The following IFT140 variants were observed in gnomAD, a reference collection of about 807,000 sequenced individuals.
IFT140 encodes the protein intraflagellar transport protein 140 homolog.
In IFT140, 133 loss-of-function variants were observed where a neutral mutation model predicts 164.6. The observed-to-expected ratio is 0.81, with a 90% CI of 0.70 to 0.93. The LOEUF is 0.93. Ranked by LOEUF, IFT140 falls within the 40% of genes least tolerant of loss-of-function variation. The pLI, the probability that IFT140 is intolerant of heterozygous loss-of-function variation, is 0.00. For missense variants in IFT140, 2,045 were observed against 1,972.3 expected (o/e 1.04, Z -0.70); for synonymous variants, 860 against 817.3 (o/e 1.05, Z -0.89).
rs949232096 is a variant in IFT140, at chr16:1,583,351, C to G, written c.1395G>C (p.Ala465=). ...AVAVWNGRQV[A]IFELSGAAIR... is the part of the protein sequence containing the mutation. ...TCGCGGCTCCAGAAAGCTCGAAGATCGCCACCTGCCTTCCGTTCCAGACTG... is the reference window on the plus strand; with the variant it reads ...TCGCGGCTCCAGAAAGCTCGAAGATGGCCACCTGCCTTCCGTTCCAGACTG... The change falls in exon 12 of 31, where the codon GCG becomes GCC. Residue 465 remains alanine, a synonymous_variant. Coordinates refer to ENST00000426508, the MANE Select transcript of IFT140 (RefSeq NM_014714.4). 6.2e-7 allele frequency: 1 copy of G among 1,614,124 alleles called. No individual in the cohort carries two copies. The highest frequency in any genetic ancestry group is 1.7e-5 in the Admixed American group (1 of 60,026).
intron 8 of IFT140, among the ~76,000 whole-genome samples, chr16:1,587,571 C>T (rs755796598): frequency 1.6e-4 from 24 of 152,200 alleles, no homozygotes; most frequent in Non-Finnish European, 2.2e-4. Context: ...ACACAGAGCA[C>T]GAGATGGCCC....
chr16:1,535,337 A>G (rs1033859899), intron 19 of IFT140, among the ~76,000 whole-genome samples: 2 of 152,158 alleles, frequency 1.3e-5, no homozygotes, highest in Non-Finnish European at 1.5e-5. Flanking sequence ...GGCTGCATAA[A>G]TAGGAAGGCG....
Position 1,524,829 on chromosome 16 carries a change from G to T in IFT140, c.2952C>A (p.His984Gln). 1 of 1,612,632 alleles carries T rather than the reference G, an allele frequency of 6.2e-7. No individual in the cohort carries two copies. Among genetic ancestry groups the T allele is most frequent in the Non-Finnish European group, 8.5e-7 (1 of 1,179,086 alleles). Reference protein sequence around the residue: ...ALHYYELARDHFSLVRIHCFQ... With the variant: ...ALHYYELARDQFSLVRIHCFQ... ...AGCAGTGGATGCGGACCAGGGAGAA[G>T]TGGTCCCGGGCCAGCTCGTAGTAGT... Residue 984 changes from histidine (H) to glutamine (Q), a missense_variant, in exon 23 of 31, where the codon CAC becomes CAA. His to Gln is a conservative substitution (Grantham distance 24). Coordinates refer to ENST00000426508, the MANE Select transcript of IFT140 (RefSeq NM_014714.4).
At chr16:1,566,822 G>C (rs1396880661) in intron 15 of IFT140, among the ~76,000 whole-genome samples, 2 of 151,992 alleles carry the variant, frequency 1.3e-5, no homozygotes. Flanking sequence ...CCTTTTTGAG[G>C]CTCCTGGCTG....
intron 19 of IFT140, among the ~76,000 whole-genome samples, chr16:1,549,408 G>A (rs893777935): frequency 2.6e-5 from 4 of 152,346 alleles, no homozygotes; most frequent in Non-Finnish European, 4.4e-5. Flanking sequence ...GGCTCCAGAC[G>A]CACCCCAGGT....
intron 14 of IFT140, among the ~76,000 whole-genome samples, chr16:1,569,227 T>TC: frequency 6.6e-6 from 1 of 152,162 alleles, no homozygotes; most frequent in South Asian, 2.1e-4. Context: ...CAAGATGGTC[T>TC]CGATCTCCTT....
intron 19 of IFT140, among the ~76,000 whole-genome samples, chr16:1,550,278 A>G (rs376897699): frequency 3.3e-5 from 5 of 152,216 alleles, no homozygotes; most frequent in Non-Finnish European, 1.5e-5. Flanking sequence ...TCTTGGAAGC[A>G]GACAGATGCT....
chr16:1,562,886 T>C (rs2141523895), intron 17 of IFT140, among the ~76,000 whole-genome samples: 1 of 152,150 alleles, frequency 6.6e-6, no homozygotes, highest in Admixed American at 6.5e-5. Context: ...GTGGGTCCAT[T>C]GCACAGAAGC....
chr16:1,552,946 C>T (rs2032789717), intron 19 of IFT140: 1 of 984,460 alleles, frequency 1.0e-6, no homozygotes, highest in Admixed American at 6.2e-5. Flanking sequence ...AACCACTGTG[C>T]CTTGTCTAGA....
At position 1,541,832 on chromosome 16, in the gene IFT140, A is replaced by C. The variant is rs2031670373; in HGVS notation, c.2400-15036T>G. 8 of 1,452,250 alleles carry C rather than the reference A, an allele frequency of 5.5e-6. No homozygotes were observed. In the South Asian group the frequency reaches 6.9e-5, roughly 13 times the overall value. 90.0% of individuals were successfully genotyped at this position (1,452,250 alleles called of 1,614,324 possible). On this transcript the variant is annotated intron_variant, in intron 19 of 30. Coordinates refer to ENST00000426508, the MANE Select transcript of IFT140 (RefSeq NM_014714.4). ...CTGTGCCGACCGCCCTTTCCGAGGCAAACAGAGACCACGAAAGTGGCGTGA... is the reference window on the plus strand; with the variant it reads ...CTGTGCCGACCGCCCTTTCCGAGGCCAACAGAGACCACGAAAGTGGCGTGA...
chr16:1,517,995 G>T, intron 30 of IFT140: 1 of 431,236 alleles, frequency 2.3e-6, no homozygotes, highest in South Asian at 2.7e-5. Flanking sequence ...GAGCCACCAT[G>T]CCTGGCTAAT....
chr16:1,525,601 C>G (rs367904469), intron 21 of IFT140, among the ~76,000 whole-genome samples: 2 of 152,236 alleles, frequency 1.3e-5, no homozygotes, highest in Non-Finnish European at 2.9e-5. Flanking sequence ...TGGGGTTTGT[C>G]TGTCCTCAGG....
At position 1,542,894 on chromosome 16, in the gene IFT140, G is replaced by A. The variant is rs117668468; in HGVS notation, c.2399+15041C>T. 5.3e-5 allele frequency among the ~76,000 whole-genome samples: 8 copies of A among 152,334 alleles called. No homozygotes were observed. The East Asian group carries it at 1.4e-3, about 26-fold the overall frequency. On this transcript the variant is annotated intron_variant, in intron 19 of 30. Transcript: ENST00000426508. ...GGGACAGGTCTTGAGAAGACCTGGC[G>A]TCATAGAGGGTGACAGTGATGGAGT...
chr16:1,541,988 C>T, intron 19 of IFT140: 1 of 1,611,312 alleles, frequency 6.2e-7, no homozygotes, highest in East Asian at 2.2e-5. Context: ...GCCAGCTCAC[C>T]TTCCTCCTGG....
chr16:1,556,091 G>A (rs2033061369), intron 19 of IFT140, among the ~76,000 whole-genome samples: 1 of 152,204 alleles, frequency 6.6e-6, no homozygotes, highest in South Asian at 2.1e-4. Context: ...GGGTGACAGA[G>A]CAAGACTCCG....
chr16:1,556,886 G>A (rs550601882), intron 19 of IFT140, among the ~76,000 whole-genome samples: 1 of 152,172 alleles, frequency 6.6e-6, no homozygotes, highest in Non-Finnish European at 1.5e-5. Context: ...CTTGGCTCAC[G>A]GCAACCTCCA....
chr16:1,523,401 C>A, intron 26 of IFT140, 117 bp downstream of exon 26: 1 of 1,130,480 alleles, frequency 8.8e-7, no homozygotes, highest in Admixed American at 2.3e-5. Flanking sequence ...GCACCCACCG[C>A]AGCCTTCCTG....
In IFT140 at chr16:1,518,204, C is replaced by A. The variant is rs773770580; in HGVS notation, c.4182+12G>T. On this transcript the variant is annotated intron_variant, in intron 30 of 30. Coordinates refer to ENST00000426508, the MANE Select transcript of IFT140 (RefSeq NM_014714.4). Reference sequence around the variant, plus strand: ...GGCGGGATGCTGCTAGTGAGCAGCACTCAGGCCTCACCGTCTGGTATTCCT... The same window carrying A: ...GGCGGGATGCTGCTAGTGAGCAGCAATCAGGCCTCACCGTCTGGTATTCCT... The A allele has an allele frequency of 6.2e-7, 1 of 1,604,240 alleles. No individual in the cohort carries two copies. The highest frequency in any genetic ancestry group is 8.5e-7 in the Non-Finnish European group (1 of 1,176,684).
Position 1,553,250 on chromosome 16 carries a change from CTCTCTGTA to C in IFT140, c.2399+4677_2399+4684del, listed in dbSNP as rs1388377370. 11 of 976,388 alleles carry C rather than the reference CTCTCTGTA, an allele frequency of 1.1e-5. No homozygotes were observed. The East Asian group carries it at 1.0e-3, about 91-fold the overall frequency. 60.5% of individuals were successfully genotyped at this position (976,388 alleles called of 1,614,324 possible). A position where few individuals can be genotyped will look rare whatever the true frequency, so the allele number is the denominator to read the frequency against. On this transcript the variant is annotated intron_variant, in intron 19 of 30. Transcript: ENST00000426508. The surrounding 1 kb of genome is among the most constrained non-coding windows in gnomAD (Gnocchi z 4.4). ...CATCTGTCTCTGTGTCTGTCTCTGT[CTCTCTGTA>C]TCTCTCTTGGTCTCTGTCTCTCTGT...
Sources: gnomAD v4.1 joint callset for allele counts (sites outside exome capture counted in the v4.1 genomes callset) on GRCh38, gnomAD v4.1.1 for gene constraint, Gnocchi (gnomAD v3.1) non-coding constraint, MANE v1.5 for transcripts, NCBI Gene and HGNC (gene_info 2026-07-23, HGNC 2026-07-21) for gene names.